GCSAML: variants seen among roughly 807,000 people sequenced by gnomAD.
The protein encoded by GCSAML is germinal center associated signaling and motility like, also known as germinal center-associated signaling and motility-like protein.
In GCSAML, 9 loss-of-function variants were observed where a neutral mutation model predicts 13.0. The ratio of observed to expected loss-of-function variants is 0.69; its 90% CI spans 0.42 to 1.21. GCSAML has a LOEUF of 1.21. GCSAML is among the 50% of genes most tolerant of loss of function. The probability of loss-of-function intolerance (pLI) is 0.00; values close to 1 mark genes in which losing one functional copy is unlikely to be tolerated. For synonymous variants in GCSAML, 37 were observed against 52.9 expected (o/e 0.70, Z 1.31); for missense variants, 143 against 153.4 (o/e 0.93, Z 0.36).
chr1:247,577,625 G>C lies in GCSAML; in HGVS notation c.*3243G>C, dbSNP rs867415442. On this transcript the variant is annotated 3_prime_UTR_variant, in exon 5 of 5. Transcript: ENST00000366488. ...AATCTAATCACTGATGGATATGTAGGATATTTAAGTTTTTGACATTATGAA... is the reference window on the plus strand; with the variant it reads ...AATCTAATCACTGATGGATATGTAGCATATTTAAGTTTTTGACATTATGAA... 1 of 152,074 alleles carries C rather than the reference G, an allele frequency of 6.6e-6. No individual in the cohort carries two copies. The highest frequency in any genetic ancestry group is 1.5e-5 in the Non-Finnish European group (1 of 68,012). 9.4% of individuals were successfully genotyped at this position (152,074 alleles called of 1,614,324 possible). A position where few individuals can be genotyped will look rare whatever the true frequency, so the allele number is the denominator to read the frequency against.
chr1:247,574,570 G>T lies in GCSAML; in HGVS notation c.*188G>T, dbSNP rs79650379. The T allele has an allele frequency of 3.4e-3, 2,062 of 606,708 alleles. 40 individuals carry two copies. Among genetic ancestry groups the T allele is most frequent in the African/African-American group, 0.034 (1,842 of 54,354 alleles). The allele number at this position is 606,708 out of a possible 1,614,324, so 37.6% of individuals were successfully genotyped here. ...TCTCTGTGGCTTAGGTGAAATCATA[G>T]AAATTGACACAATGACCTAAAATAT... On this transcript the variant is annotated 3_prime_UTR_variant, in exon 5 of 5. Coordinates refer to ENST00000366488, the MANE Select transcript of GCSAML (RefSeq NM_145278.5).
intron 2 of GCSAML, chr1:247,532,067 A>T: frequency 6.2e-7 from 1 of 1,614,102 alleles, no homozygotes; most frequent in Non-Finnish European, 8.5e-7. Context: ...CCCAGCCAGG[A>T]GGCCAAAGCT....
chr1:247,569,760 G>A (rs1435000065), intron 4 of GCSAML, among the ~76,000 whole-genome samples: 1 of 152,112 alleles, frequency 6.6e-6, no homozygotes, highest in Non-Finnish European at 1.5e-5. Flanking sequence ...TCTATTGTTT[G>A]GAATAGTTTG....
chr1:247,541,236 G>A (rs570573476), intron 2 of GCSAML, among the ~76,000 whole-genome samples: 8 of 152,144 alleles, frequency 5.3e-5, no homozygotes, highest in African/African-American at 1.9e-4. Flanking sequence ...CCTCTTGCTA[G>A]TTAGAGCAAT....
intron 1 of GCSAML, 120 bp from the exon 2 acceptor site, chr1:247,556,287 G>C: frequency 1.5e-6 from 1 of 687,262 alleles, no homozygotes; most frequent in Non-Finnish European, 2.6e-6. Context: ...TGAAGGAAAG[G>C]GAAGTTTGTC....
intron 1 of GCSAML, 93 bp downstream of exon 1, chr1:247,549,313 T>C (rs1667689862): frequency 1.8e-6 from 2 of 1,116,682 alleles, no homozygotes; most frequent in Non-Finnish European, 2.6e-6. Flanking sequence ...TGAGGTACAT[T>C]GTGCTTCTAG....
intron 1 of GCSAML, among the ~76,000 whole-genome samples, chr1:247,520,848 C>G (rs376230772): frequency 1.3e-5 from 2 of 152,168 alleles, no homozygotes; most frequent in African/African-American, 4.8e-5. Context: ...AACCAACTTA[C>G]GTCTATACTA....
chr1:247,541,338 T>TA (rs1219222673), intron 2 of GCSAML, among the ~76,000 whole-genome samples: 2 of 152,318 alleles, frequency 1.3e-5, no homozygotes, highest in East Asian at 3.9e-4. Flanking sequence ...AGCAAAGCAG[T>TA]AGGTTTGGCC....
chr1:247,534,027 C>CG (rs1667116618), intron 2 of GCSAML: 1 of 152,200 alleles, frequency 6.6e-6, no homozygotes, highest in Non-Finnish European at 1.5e-5. Context: ...CCCCCTTCCT[C>CG]ACCTTCTTCA....
At chr1:247,525,942 G>A (rs1423904753) in intron 1 of GCSAML, 2 of 152,200 alleles carry the variant, frequency 1.3e-5, no homozygotes, top group Admixed American at 1.3e-4. Flanking sequence ...ACCTGTTGAA[G>A]ACCAAATATA....
At chr1:247,518,364 C>G (rs577465940) in intron 1 of GCSAML, 10 of 152,402 alleles carry the variant, frequency 6.6e-5, no homozygotes, top group African/African-American at 2.2e-4. Context: ...CCTGGCGCCT[C>G]TCGCGCGACT....
At chr1:247,522,177 C>T (rs1267734840) in intron 1 of GCSAML, among the ~76,000 whole-genome samples, 23 of 151,638 alleles carry the variant, frequency 1.5e-4, no homozygotes, top group East Asian at 3.9e-4. Context: ...GGAGCGTCTC[C>T]GCCCGGCAGC....
chr1:247,520,667 T>A (rs1007267478), intron 1 of GCSAML, among the ~76,000 whole-genome samples: 3 of 152,220 alleles, frequency 2.0e-5, no homozygotes, highest in South Asian at 2.1e-4. Flanking sequence ...GCCTTTTTTT[T>A]ACAGCCTCAA....
In GCSAML at chr1:247,554,514, T is replaced by G. The variant is rs541967355; in HGVS notation, c.30-1893T>G. Among the ~76,000 whole-genome samples, 138 of 152,290 alleles carry G rather than the reference T, an allele frequency of 9.1e-4. 1 individual carries two copies. The highest frequency in any genetic ancestry group is 3.2e-3 in the African/African-American group (133 of 41,582). On this transcript the variant is annotated intron_variant, in intron 1 of 4. Coordinates refer to ENST00000366488, the MANE Select transcript of GCSAML (RefSeq NM_145278.5). ...CCAACTTCTTAAGATAAATGCTTAC[T>G]TTGTCATTATTAGTCATTTATGTTT...
chr1:247,528,998 A>G (rs950447907), intron 2 of GCSAML: 6 of 152,136 alleles, frequency 3.9e-5, no homozygotes, highest in Non-Finnish European at 8.8e-5. Flanking sequence ...AGCCTATGAG[A>G]AATTTAACAT....
chr1:247,522,358 G>A (rs954041026), intron 1 of GCSAML, among the ~76,000 whole-genome samples: 2 of 151,126 alleles, frequency 1.3e-5, no homozygotes, highest in African/African-American at 2.4e-5. Context: ...CTGCCCGGCC[G>A]CCCCTTCTGG....
chr1:247,509,319 G>C (rs1210617446), intron 1 of GCSAML, among the ~76,000 whole-genome samples: 1 of 152,122 alleles, frequency 6.6e-6, no homozygotes, highest in Non-Finnish European at 1.5e-5. Flanking sequence ...TCTATTATTG[G>C]TGTATAGAAA....
At chr1:247,510,694 G>A (rs111636589) in intron 1 of GCSAML, among the ~76,000 whole-genome samples, 19 of 152,128 alleles carry the variant, frequency 1.2e-4, no homozygotes, top group African/African-American at 4.1e-4. Flanking sequence ...ATTCTGGTAC[G>A]TTGTCTTTGT....
In GCSAML at chr1:247,526,302, C is replaced by G. The variant is rs1448025476; in HGVS notation, c.-262-638C>G. 6.6e-6 allele frequency: 1 copy of G among 152,208 alleles called. No individual in the cohort carries two copies. The highest frequency in any genetic ancestry group is 1.5e-5 in the Non-Finnish European group (1 of 68,034). The allele number at this position is 152,208 out of a possible 1,614,324, so 9.4% of individuals were successfully genotyped here. On this transcript the variant is annotated intron_variant, in intron 1 of 5. Transcript: ENST00000366489. This position sits in a 1 kb window ranked among gnomAD's most constrained non-coding sequence, Gnocchi z 4.8. ...TTAAAGTTTATATTTTTTACTCTAT[C>G]TGGCTCATAATACCTGACCTAAAGT...
Sources: allele counts gnomAD v4.1 joint callset (sites outside exome capture counted in the v4.1 genomes callset), GRCh38; gene constraint gnomAD v4.1.1; non-coding constraint Gnocchi (gnomAD v3.1); transcripts MANE v1.5; gene names NCBI Gene and HGNC (gene_info 2026-07-23, HGNC 2026-07-21).